Variants in GAB2 observed in about 807,000 individuals in gnomAD.
GAB2 encodes the protein GRB2 associated binding protein 2.
A neutral mutation model predicts 65.5 loss-of-function variants in GAB2; 26 were observed. That is an observed-to-expected ratio of 0.40 (90% CI 0.29 to 0.55). The LOEUF (loss-of-function observed/expected upper bound fraction) is 0.55, where lower values mean the gene tolerates loss of function less well. Among genes scored for constraint, GAB2 ranks in the 20% least tolerant of loss-of-function variants. The probability of loss-of-function intolerance (pLI) is 0.53; values close to 1 mark genes in which losing one functional copy is unlikely to be tolerated. For missense variants in GAB2, 884 were observed against 875.8 expected, an observed-to-expected ratio of 1.01 and a Z score of -0.12; for synonymous variants, 321 against 329.6, an observed-to-expected ratio of 0.97 and a Z score of 0.28.
chr11:78,399,441 C>G (rs1011191241), intron 1 of GAB2, among the ~76,000 whole-genome samples: 1 of 152,214 alleles, frequency 6.6e-6, no homozygotes, highest in African/African-American at 2.4e-5. Context: ...ACATTGGCCC[C>G]AGGATCTCAC....
intron 1 of GAB2, among the ~76,000 whole-genome samples, chr11:78,403,693 C>T (rs573365467): frequency 1.3e-5 from 2 of 152,246 alleles, no homozygotes; most frequent in South Asian, 4.1e-4. Context: ...ATTTCTTGAG[C>T]AAGACCTCAA....
intron 2 of GAB2, among the ~76,000 whole-genome samples, chr11:78,261,224 G>GTTGC (rs1323118014): frequency 6.6e-6 from 1 of 152,108 alleles, no homozygotes; most frequent in African/African-American, 2.4e-5. Flanking sequence ...GGAGGTCGAG[G>GTTGC]TTGCAGTAAG....
At chr11:78,385,272 G>A (rs778870381) in intron 1 of GAB2, among the ~76,000 whole-genome samples, 5 of 152,196 alleles carry the variant, frequency 3.3e-5, no homozygotes, top group Admixed American at 6.5e-5. Context: ...GGATCTTCAC[G>A]GGAAAGGCCA....
At chr11:78,294,671 A>C (rs1866776888) in intron 1 of GAB2, among the ~76,000 whole-genome samples, 2 of 152,206 alleles carry the variant, frequency 1.3e-5, no homozygotes, top group Admixed American at 6.5e-5. Context: ...GGTGCTGGGG[A>C]AACTGGCTAG....
chr11:78,226,368 T>A, intron 4 of GAB2, 97 bp downstream of exon 4: 1 of 972,382 alleles, frequency 1.0e-6, no homozygotes, highest in Non-Finnish European at 1.7e-6. Context: ...GGTTCGTAAG[T>A]TCCCCTCGGC....
chr11:78,221,747 C>A lies in GAB2; in HGVS notation c.1691G>T (p.Cys564Phe), dbSNP rs200015699. 6.2e-7 allele frequency: 1 copy of A among 1,613,440 alleles called. No individual in the cohort carries two copies. The highest frequency in any genetic ancestry group is 8.5e-7 in the Non-Finnish European group (1 of 1,179,580). ...HTFNSSSSQY[C>F]RPISTQSITS... ...GATGCTCTGGGTGGAGATGGGGCGGCAGTACTGGGAGGAGCTGGAGTTGAA... is the reference window on the plus strand; with the variant it reads ...GATGCTCTGGGTGGAGATGGGGCGGAAGTACTGGGAGGAGCTGGAGTTGAA... Residue 564 changes from cysteine to phenylalanine, a missense_variant, in exon 8 of 10, where the codon TGC becomes TTC. Physicochemically the swap from Cys to Phe is radical, Grantham distance 205. Coordinates refer to ENST00000361507, the MANE Select transcript of GAB2 (RefSeq NM_080491.3).
At chr11:78,280,509 G>A (rs1184290170) in intron 2 of GAB2, 92 bp downstream of exon 2, 1 of 1,049,846 alleles carries the variant, frequency 9.5e-7, no homozygotes, top group Non-Finnish European at 1.4e-6. Flanking sequence ...CTTCCAACAG[G>A]AAACCTTAGC....
At chr11:78,360,305 A>G in intron 1 of GAB2, among the ~76,000 whole-genome samples, 1 of 152,036 alleles carries the variant, frequency 6.6e-6, no homozygotes, top group East Asian at 1.9e-4. Context: ...ATGATAGCTC[A>G]AGCCTGTGAT....
chr11:78,246,461 T>C (rs969125711), intron 3 of GAB2, among the ~76,000 whole-genome samples: 1 of 151,984 alleles, frequency 6.6e-6, no homozygotes, highest in African/African-American at 2.4e-5. Context: ...GTTGTGTAGA[T>C]GCTGGGTTCT....
At chr11:78,272,221 T>TG (rs1866033693) in intron 2 of GAB2, among the ~76,000 whole-genome samples, 2 of 152,136 alleles carry the variant, frequency 1.3e-5, no homozygotes, top group Admixed American at 1.3e-4. Flanking sequence ...ACTGAAAATA[T>TG]GGAAGTGACA....
At position 78,387,178 on chromosome 11, in the gene GAB2, C is replaced by A. The variant is rs113614823; in HGVS notation, c.75+30468G>T. 3.0e-3 allele frequency among the ~76,000 whole-genome samples: 464 copies of A among 152,250 alleles called. 1 individual carries two copies. The highest frequency in any genetic ancestry group is 0.01 in the African/African-American group (428 of 41,554). ...TACTTTAGATTCCGTGTGAGCCCCC[C>A]ACAATGGAATATCTTCTTTTTCTTT... On this transcript the variant is annotated intron_variant, in intron 1 of 9. Coordinates refer to ENST00000361507, the MANE Select transcript of GAB2 (RefSeq NM_080491.3).
intron 1 of GAB2, among the ~76,000 whole-genome samples, chr11:78,365,788 T>C (rs971143689): frequency 1.3e-5 from 2 of 152,160 alleles, no homozygotes; most frequent in Non-Finnish European, 2.9e-5. Context: ...CATCCAAAAA[T>C]AACTTAAGAA....
intron 1 of GAB2, among the ~76,000 whole-genome samples, chr11:78,334,015 A>G (rs1409279398): frequency 1.3e-5 from 2 of 152,200 alleles, no homozygotes; most frequent in Non-Finnish European, 2.9e-5. Context: ...TTGAGCTGTC[A>G]TGAGTAAAGG....
At chr11:78,309,971 T>TGTGTGTGTGTGTGTGTGTGCGCGCGCGC (rs1421836447) in intron 1 of GAB2, among the ~76,000 whole-genome samples, 5 of 120,086 alleles carry the variant, frequency 4.2e-5, no homozygotes, top group African/African-American at 1.8e-4. Context: ...TGTGTGTGTG[T>TGTGTGTGTGTGTGTGTGTGCGCGCGCGC]GCGCGCGCGC....
chr11:78,234,381 C>T (rs2134489512), intron 3 of GAB2, among the ~76,000 whole-genome samples: 1 of 152,186 alleles, frequency 6.6e-6, no homozygotes, highest in Admixed American at 6.5e-5. Flanking sequence ...CTGCGCCCAG[C>T]CTAGAAGTTT....
intron 1 of GAB2, among the ~76,000 whole-genome samples, chr11:78,375,964 C>T (rs1249975449): frequency 6.6e-6 from 1 of 152,216 alleles, no homozygotes; most frequent in Non-Finnish European, 1.5e-5. Flanking sequence ...TTGGATACAG[C>T]AGCTCTGTGC....
Position 78,221,702 on chromosome 11 carries a change from T to C in GAB2, c.1736A>G (p.Asp579Gly). ...CATAGGGACATAGTTCTCTTCGCTGTCTCCTGAGTCTGTGCTGGTGATGCT... is the reference window on the plus strand; with the variant it reads ...CATAGGGACATAGTTCTCTTCGCTGCCTCCTGAGTCTGTGCTGGTGATGCT... Reference protein sequence around the residue: ...TQSITSTDSGDSEENYVPMQN... With the variant: ...TQSITSTDSGGSEENYVPMQN... Residue 579 changes from aspartate (D) to glycine (G), a missense_variant, in exon 8 of 10, where the codon GAC becomes GGC. By Grantham distance (94) the Asp-to-Gly change is moderately conservative (BLOSUM62 -1). Transcript: ENST00000361507. 1 of 1,612,850 alleles carries C rather than the reference T, an allele frequency of 6.2e-7. No individual in the cohort carries two copies. Among genetic ancestry groups the C allele is most frequent in the Non-Finnish European group, 8.5e-7 (1 of 1,179,066 alleles).
intron 1 of GAB2, among the ~76,000 whole-genome samples, chr11:78,379,140 ACTC>A (rs1193678136): frequency 6.6e-6 from 1 of 152,014 alleles, no homozygotes; most frequent in East Asian, 1.9e-4. Flanking sequence ...CTGATCAGTA[ACTC>A]CTCCTGTTCA....
chr11:78,232,767 G>A (rs1280726307), intron 3 of GAB2, among the ~76,000 whole-genome samples: 1 of 152,146 alleles, frequency 6.6e-6, no homozygotes. Context: ...TAGATAGAAG[G>A]CTGGTATTAG....
Sources: allele counts gnomAD v4.1 joint callset (sites outside exome capture counted in the v4.1 genomes callset), GRCh38; gene constraint gnomAD v4.1.1; transcripts MANE v1.5; gene names NCBI Gene and HGNC (gene_info 2026-07-23, HGNC 2026-07-21).